ATG10: variants seen among roughly 807,000 people sequenced by gnomAD.
ATG10 encodes autophagy related 10.
ATG10 carries 30 observed loss-of-function variants against 32.1 expected under a neutral mutation model. The observed-to-expected ratio is 0.94, with a 90% CI of 0.70 to 1.27. The LOEUF (loss-of-function observed/expected upper bound fraction) is 1.27, where lower values mean the gene tolerates loss of function less well. Among genes scored for constraint, ATG10 ranks in the 50% most tolerant of loss-of-function variants. The pLI, the probability that ATG10 is intolerant of heterozygous loss-of-function variation, is 0.00. For missense variants in ATG10, 233 were observed against 262.3 expected, an observed-to-expected ratio of 0.89 and a Z score of 0.77; for synonymous variants, 87 against 91.5, an observed-to-expected ratio of 0.95 and a Z score of 0.28.
At chr5:82,112,149 G>A (rs1434431857) in intron 3 of ATG10, among the ~76,000 whole-genome samples, 4 of 151,890 alleles carry the variant, frequency 2.6e-5, no homozygotes, top group African/African-American at 7.2e-5. Flanking sequence ...GTTTGGGGAT[G>A]TGTATGTATT....
At chr5:82,016,107 T>G (rs767553624) in intron 2 of ATG10, among the ~76,000 whole-genome samples, 2 of 152,224 alleles carry the variant, frequency 1.3e-5, no homozygotes, top group Non-Finnish European at 2.9e-5. Flanking sequence ...TCTATTTATC[T>G]TTGTTTTTGA....
intron 1 of ATG10, among the ~76,000 whole-genome samples, chr5:81,981,182 T>C (rs1761037787): frequency 6.6e-6 from 1 of 152,208 alleles, no homozygotes. Flanking sequence ...TGTCTTGAAA[T>C]CCAGGTCTTT....
intron 5 of ATG10, among the ~76,000 whole-genome samples, chr5:82,189,174 C>T (rs1320938078): frequency 6.6e-6 from 1 of 152,052 alleles, no homozygotes; most frequent in African/African-American, 2.4e-5. Context: ...GCTAATAATA[C>T]ATACATATAC....
intron 5 of ATG10, among the ~76,000 whole-genome samples, chr5:82,215,664 G>C (rs554576279): frequency 3.3e-5 from 5 of 152,028 alleles, no homozygotes; most frequent in African/African-American, 1.2e-4. Context: ...GGCCAGACAC[G>C]GTGGCTCACA....
chr5:82,128,742 G>T (rs2149838563), intron 3 of ATG10, among the ~76,000 whole-genome samples: 1 of 146,546 alleles, frequency 6.8e-6, no homozygotes, highest in South Asian at 2.2e-4. Context: ...AAGTCTGATG[G>T]GCTTCCCTTT....
chr5:82,180,398 G>T (rs1744186287), intron 5 of ATG10, among the ~76,000 whole-genome samples: 1 of 152,048 alleles, frequency 6.6e-6, no homozygotes, highest in Admixed American at 6.6e-5. Context: ...CACAAAAATT[G>T]CCCCTCTGAA....
intron 5 of ATG10, among the ~76,000 whole-genome samples, chr5:82,245,964 ATACT>A (rs957342650): frequency 2.0e-5 from 3 of 152,152 alleles, no homozygotes; most frequent in Non-Finnish European, 4.4e-5. Flanking sequence ...GATTAACAAC[ATACT>A]TAAAGGATTT....
chr5:82,079,044 A>G (rs138648278), intron 3 of ATG10, among the ~76,000 whole-genome samples: 187 of 152,218 alleles, frequency 1.2e-3, no homozygotes, highest in African/African-American at 4.3e-3. Flanking sequence ...TTCTGCTTTT[A>G]TGTGTACTTT....
chr5:82,050,829 C>G lies in ATG10; in HGVS notation c.109-7666C>G, dbSNP rs965217511. Reference sequence around the variant, plus strand: ...CCAGCCTAGGCAACATAGCAAGACCCCATCTCTACCAAAAAAAAAAAAAAA... The same window carrying G: ...CCAGCCTAGGCAACATAGCAAGACCGCATCTCTACCAAAAAAAAAAAAAAA... On this transcript the variant is annotated intron_variant, in intron 2 of 7. Transcript: ENST00000282185. Among the ~76,000 whole-genome samples the G allele has an allele frequency of 1.2e-4, 16 of 135,460 alleles. No individual in the cohort carries two copies. The East Asian group carries it at 3.3e-3, about 28-fold the overall frequency. The allele number at this position is 135,460 out of a possible 152,430, so 88.9% of individuals were successfully genotyped here.
intron 2 of ATG10, among the ~76,000 whole-genome samples, chr5:82,001,527 T>G (rs1367034114): frequency 6.6e-6 from 1 of 151,666 alleles, no homozygotes; most frequent in African/African-American, 2.4e-5. Flanking sequence ...TTCAAGAAAG[T>G]TGACAAAAAC....
At chr5:82,222,412 A>C (rs1745965432) in intron 5 of ATG10, among the ~76,000 whole-genome samples, 1 of 152,230 alleles carries the variant, frequency 6.6e-6, no homozygotes, top group Non-Finnish European at 1.5e-5. Flanking sequence ...GATTAAATAC[A>C]ATAGTAAATA....
In ATG10 at chr5:81,982,931, GAA is replaced by G. The variant is rs537071839; in HGVS notation, c.-12-4625_-12-4624del. The stretch of plus-strand genomic sequence containing the variant: ...AATTTTTCTTAGTACAGAACAAAAT[GAA>G]AAGTCTCCCATGTCTACCTCTTTCT... On this transcript the variant is annotated intron_variant, in intron 1 of 7. Transcript: ENST00000282185. Among the ~76,000 whole-genome samples, 175 of 152,298 alleles carry G rather than the reference GAA, an allele frequency of 1.1e-3. 2 individuals carry two copies. The highest frequency in any genetic ancestry group is 2.3e-3 in the Admixed American group (35 of 15,300).
At chr5:82,201,739 C>T (rs1281145704) in intron 5 of ATG10, among the ~76,000 whole-genome samples, 1 of 152,202 alleles carries the variant, frequency 6.6e-6, no homozygotes, top group African/African-American at 2.4e-5. Flanking sequence ...AAAGAATTAA[C>T]ATCTTAATGA....
intron 2 of ATG10, among the ~76,000 whole-genome samples, chr5:82,053,751 T>C (rs1458929762): frequency 6.6e-6 from 1 of 152,142 alleles, no homozygotes; most frequent in East Asian, 1.9e-4. Context: ...CATCATGCTT[T>C]GTGGTGAATG....
chr5:82,252,615 T>C lies in ATG10; in HGVS notation c.507T>C (p.Asn169=). ...PFFVLHPCKT[N]EFMTPVLKNS... The stretch of plus-strand genomic sequence containing the variant: ...TTGTACTTCATCCCTGCAAGACGAA[T>C]GAATTCATGACTCCTGTATTAAAGA... Residue 169 remains asparagine (N), a synonymous_variant, in exon 6 of 8, where the codon AAT becomes AAC. Coordinates refer to ENST00000282185, the MANE Select transcript of ATG10 (RefSeq NM_031482.5). 3 of 1,607,742 alleles carry C rather than the reference T, an allele frequency of 1.9e-6. No individual in the cohort carries two copies. Among genetic ancestry groups the C allele is most frequent in the Non-Finnish European group, 1.7e-6 (2 of 1,177,194 alleles).
In ATG10 at chr5:81,977,500, CT is replaced by C. The variant is rs1760903521; in HGVS notation, c.-13+5196del. ...GATCCCATTTATTTCCAAGCAGCCC[CT>C]TGAAGAGCGGGTTCCCCATAAAGTT... On this transcript the variant is annotated intron_variant, in intron 1 of 7. Coordinates refer to ENST00000282185, the MANE Select transcript of ATG10 (RefSeq NM_031482.5). Among the ~76,000 whole-genome samples the C allele has an allele frequency of 2.0e-5, 3 of 152,196 alleles. No homozygotes were observed. In the South Asian group the frequency reaches 6.2e-4, roughly 31 times the overall value.
In ATG10 at chr5:82,200,463, C is replaced by CTTTTTTTTTT. The variant is rs764388608; in HGVS notation, c.453+21895_453+21904dup. Among the ~76,000 whole-genome samples, 5 of 52,556 alleles carry CTTTTTTTTTT rather than the reference C, an allele frequency of 9.5e-5. 1 individual carries two copies. The highest frequency in any genetic ancestry group is 1.6e-4 in the African/African-American group (2 of 12,860). 34.5% of individuals were successfully genotyped at this position (52,556 alleles called of 152,430 possible). ...ATCTTTTCAAATCTTTCCCTAACTT[C>CTTTTTTTTTT]TTTTTTTTTTTTTTTTTTTTTTTTT... On this transcript the variant is annotated intron_variant, in intron 5 of 7. Coordinates refer to ENST00000282185, the MANE Select transcript of ATG10 (RefSeq NM_031482.5).
intron 1 of ATG10, chr5:81,973,330 A>G (rs1335125872): frequency 6.6e-6 from 1 of 152,112 alleles, no homozygotes; most frequent in African/African-American, 2.4e-5. Context: ...GGGTTTCACC[A>G]TATTGGCCAG....
intron 2 of ATG10, among the ~76,000 whole-genome samples, chr5:82,008,480 G>A (rs1350243532): frequency 6.6e-6 from 1 of 152,156 alleles, no homozygotes; most frequent in African/African-American, 2.4e-5. Context: ...AGAACAGGTT[G>A]TATCACTTGT....
Sources: allele counts gnomAD v4.1 joint callset (sites outside exome capture counted in the v4.1 genomes callset), GRCh38; gene constraint gnomAD v4.1.1; transcripts MANE v1.5; gene names NCBI Gene and HGNC (gene_info 2026-07-23, HGNC 2026-07-21).